GABRR3: variants seen among roughly 807,000 people sequenced by gnomAD.
GABRR3 encodes the protein gamma-aminobutyric acid type A receptor subunit rho3.
A neutral mutation model predicts 43.2 loss-of-function variants in GABRR3; 29 were observed. The ratio of observed to expected loss-of-function variants is 0.67; its 90% CI spans 0.50 to 0.92. The LOEUF (loss-of-function observed/expected upper bound fraction) is 0.92, where lower values mean the gene tolerates loss of function less well. GABRR3 is among the 40% of genes least tolerant of loss of function. The pLI is 0.00. For synonymous variants in GABRR3, 206 were observed against 195.9 expected, an observed-to-expected ratio of 1.05 and a Z score of -0.43; for missense variants, 576 against 572.3, an observed-to-expected ratio of 1.01 and a Z score of -0.07.
chr3:98,022,268 C>T (rs958667001), intron 3 of GABRR3, among the ~76,000 whole-genome samples: 6 of 152,118 alleles, frequency 3.9e-5, no homozygotes, highest in African/African-American at 1.4e-4. Flanking sequence ...ATTTATAACC[C>T]AAGTTAAACA....
chr3:97,996,172 C>T (rs1706551161), intron 8 of GABRR3, among the ~76,000 whole-genome samples: 1 of 152,178 alleles, frequency 6.6e-6, no homozygotes, highest in South Asian at 2.1e-4. Flanking sequence ...TTCACCCCCT[C>T]AGTAACTGTG....
At chr3:98,019,895 G>A (rs1706917523) in intron 3 of GABRR3, among the ~76,000 whole-genome samples, 1 of 152,130 alleles carries the variant, frequency 6.6e-6, no homozygotes, top group Non-Finnish European at 1.5e-5. Context: ...AGTGTTTAAT[G>A]GTGATTTTGA....
intron 2 of GABRR3, among the ~76,000 whole-genome samples, chr3:98,032,330 T>A (rs935884103): frequency 1.3e-5 from 2 of 152,162 alleles, no homozygotes; most frequent in African/African-American, 4.8e-5. Flanking sequence ...GCTGATAAAT[T>A]TCCTGAAAAT....
chr3:98,005,843 T>C (rs1012732334), intron 7 of GABRR3, among the ~76,000 whole-genome samples: 1 of 152,210 alleles, frequency 6.6e-6, no homozygotes, highest in Admixed American at 6.5e-5. Context: ...GACAATTCTT[T>C]TTGATTTCTA....
chr3:97,986,568 C>G, downstream of GABRR3: 1 of 677,176 alleles, frequency 1.5e-6, no homozygotes, highest in Admixed American at 3.2e-5. Flanking sequence ...TTCATTAGGG[C>G]AGGAGAGGTG....
At chr3:98,018,347 A>C (rs1305584008) in intron 3 of GABRR3, among the ~76,000 whole-genome samples, 1 of 152,242 alleles carries the variant, frequency 6.6e-6, no homozygotes, top group East Asian at 1.9e-4. Flanking sequence ...CAGCAACCAC[A>C]GGCTGCATTT....
At chr3:98,012,713 G>A in intron 4 of GABRR3, 146 bp from the exon 5 acceptor site, 1 of 614,130 alleles carries the variant, frequency 1.6e-6, no homozygotes, top group Non-Finnish European at 2.9e-6. Context: ...GTAGATCTAG[G>A]ATGAAGCTAA....
chr3:98,004,072 T>G (rs765483181), intron 7 of GABRR3, among the ~76,000 whole-genome samples: 32 of 151,932 alleles, frequency 2.1e-4, no homozygotes, highest in Non-Finnish European at 3.2e-4. Context: ...CCCAGGGAAA[T>G]GGAGGACTGG....
chr3:97,991,847 T>TA (rs11411389), intron 9 of GABRR3, among the ~76,000 whole-genome samples: 24,245 of 151,634 alleles, frequency 0.16, 2,573 homozygotes, highest in African/African-American at 0.31. Context: ...AATCCTCATG[T>TA]AAAAAAAAAC....
intron 2 of GABRR3, among the ~76,000 whole-genome samples, chr3:98,033,423 T>C (rs914180356): frequency 1.3e-5 from 2 of 152,294 alleles, no homozygotes; most frequent in East Asian, 1.9e-4. Flanking sequence ...AGAAAAAATT[T>C]CTACCTCACC....
At chr3:98,017,473 C>T (rs971357948) in intron 4 of GABRR3, among the ~76,000 whole-genome samples, 182 bp downstream of exon 4, 3 of 152,084 alleles carry the variant, frequency 2.0e-5, no homozygotes, top group Non-Finnish European at 4.4e-5. Flanking sequence ...AATGAGAATT[C>T]TAATCAAGGT....
At chr3:97,987,531 G>A (rs1299982843) in intron 9 of GABRR3, among the ~76,000 whole-genome samples, 1 of 152,058 alleles carries the variant, frequency 6.6e-6, no homozygotes, top group African/African-American at 2.4e-5. Flanking sequence ...TGATTCATAG[G>A]AAAATTCAAA....
intron 8 of GABRR3, chr3:97,999,343 C>A (rs1275418236): frequency 6.6e-6 from 1 of 152,086 alleles, no homozygotes; most frequent in Non-Finnish European, 1.5e-5. Context: ...TACTATCATC[C>A]AGCTACAGGT....
exon 5 of GABRR3, chr3:98,012,531 T>C: frequency 6.2e-7 from 1 of 1,613,926 alleles, no homozygotes; most frequent in Non-Finnish European, 8.5e-7. Flanking sequence ...CTCTCGTCTT[T>C]CCAGTAATGC....
At chr3:98,013,797 G>A (rs554239745) in intron 4 of GABRR3, among the ~76,000 whole-genome samples, 376 of 152,278 alleles carry the variant, frequency 2.5e-3, no homozygotes, top group Non-Finnish European at 2.8e-3. Flanking sequence ...GGAATTGTGT[G>A]GGTTACTGCA....
chr3:97,993,004 TCACAGCA>T lies in GABRR3; in HGVS notation c.945_951del (p.Val317ProfsTer33). 6.2e-7 allele frequency: 1 copy of T among 1,612,838 alleles called. No homozygotes were observed. The highest frequency in any genetic ancestry group is 8.5e-7 in the Non-Finnish European group (1 of 1,179,280). ...TAGGACACCTGGGGCATGGAGGCGC[TCACAGCA>T]GTGATGATTGTGGACATGGTCAGCA... On this transcript the variant is annotated frameshift_variant, in exon 9 of 10. Coordinates refer to ENST00000621172, the Ensembl canonical transcript of GABRR3. LOFTEE classifies it high-confidence loss of function.
intron 3 of GABRR3, among the ~76,000 whole-genome samples, chr3:98,021,084 C>T (rs549951453): frequency 4.6e-5 from 7 of 151,846 alleles, no homozygotes; most frequent in African/African-American, 1.5e-4. Flanking sequence ...AGGCTGGTCT[C>T]GAACTCCTGA....
chr3:97,992,121 C>T (rs1457748200), intron 9 of GABRR3, among the ~76,000 whole-genome samples: 1 of 152,108 alleles, frequency 6.6e-6, no homozygotes, highest in African/African-American at 2.4e-5. Context: ...AGCAATCTAC[C>T]TACATTTATT....
At position 97,986,994 on chromosome 3, in the gene GABRR3, C is replaced by CT. The variant is rs750024814; in HGVS notation, c.1105-13dup. The stretch of plus-strand genomic sequence containing the variant: ...TACATCCTAGAAATCTGTCAAAAAA[C>CT]TTTTTTTTAAAGTAGGTCTTGAATA... On this transcript the variant is annotated splice_polypyrimidine_tract_variant and intron_variant, in intron 9 of 9. Transcript: ENST00000621172. The CT allele has an allele frequency of 1.2e-5, 18 of 1,529,666 alleles. No homozygotes were observed. Among genetic ancestry groups the CT allele is most frequent in the East Asian group, 2.3e-5 (1 of 43,284 alleles). 94.8% of individuals were successfully genotyped at this position (1,529,666 alleles called of 1,614,324 possible).
Sources: gnomAD v4.1 joint callset for allele counts (sites outside exome capture counted in the v4.1 genomes callset) on GRCh38, gnomAD v4.1.1 for gene constraint, MANE v1.5 for transcripts, NCBI Gene and HGNC (gene_info 2026-07-23, HGNC 2026-07-21) for gene names.